Variants in TET3 observed in about 807,000 individuals in gnomAD.
TET3 encodes methylcytosine dioxygenase TET3.
In TET3, 19 loss-of-function variants were observed where a neutral mutation model predicts 141.4. The ratio of observed to expected loss-of-function variants is 0.13; its 90% CI spans 0.09 to 0.20. The LOEUF (loss-of-function observed/expected upper bound fraction) is 0.20, where lower values mean the gene tolerates loss of function less well. Ranked by LOEUF, TET3 falls within the 10% of genes least tolerant of loss-of-function variation. The pLI is 1.00. For synonymous variants in TET3, 1,043 were observed against 980.9 expected (o/e 1.06, Z -1.18); for missense variants, 1,874 against 2,356.9 (o/e 0.80, Z 4.24).
In TET3 at chr2:74,046,314, C is replaced by G; in HGVS notation, c.397C>G (p.Pro133Ala). ...GCTCAGCCCAGTTGATGGACCTGTT[C>G]CAGGTCAGATGGACTCAGGGCCAGT... is the stretch of plus-strand genomic sequence containing the variant. ...SELSPVDGPV[P>A]GQMDSGPVYH... Residue 133 changes from proline (P) to alanine (A), a missense_variant, in exon 4 of 12, where the codon CCA becomes GCA. Around this residue, in one of 10 missense-constraint regions of TET3, gnomAD observed 366 missense variants for 487.0 expected, o/e 0.75. Coordinates refer to ENST00000409262, the MANE Select transcript of TET3 (RefSeq NM_001287491.2). The surrounding 1 kb of genome is among the most constrained non-coding windows in gnomAD (Gnocchi z 4.3). The G allele has an allele frequency of 1.3e-6, 2 of 1,517,192 alleles. No homozygotes were observed. Among genetic ancestry groups the G allele is most frequent in the Non-Finnish European group, 1.8e-6 (2 of 1,134,316 alleles). 94.0% of individuals were successfully genotyped at this position (1,517,192 alleles called of 1,614,324 possible).
the TET3 span, among the ~76,000 whole-genome samples, chr2:74,125,929 A>G: frequency 1.3e-5 from 2 of 152,130 alleles, no homozygotes; most frequent in African/African-American, 4.8e-5. Context: ...AAAATTTAAA[A>G]TCTCAATTTT....
the TET3 span, among the ~76,000 whole-genome samples, chr2:74,125,151 T>C: frequency 6.6e-6 from 1 of 152,160 alleles, no homozygotes; most frequent in East Asian, 1.9e-4. Context: ...GGATTACAGG[T>C]GCCTGCCACC....
At chr2:74,108,616 T>A (rs1691631305), downstream of TET3, among the ~76,000 whole-genome samples, 1 of 152,240 alleles carries the variant, frequency 6.6e-6, no homozygotes, top group African/African-American at 2.4e-5. Flanking sequence ...GAGATTCTGC[T>A]GACCAGCGGC....
At position 74,099,464 on chromosome 2, in the gene TET3, G is replaced by A. The variant is rs781412481; in HGVS notation, c.3456G>A (p.Leu1152=). 6.2e-7 allele frequency: 1 copy of A among 1,613,682 alleles called. No individual in the cohort carries two copies. The highest frequency in any genetic ancestry group is 8.5e-7 in the Non-Finnish European group (1 of 1,179,826). The change falls in exon 11 of 12, where the codon CTG becomes CTA. Residue 1152 remains leucine (L), a synonymous_variant. Coordinates refer to ENST00000409262, the MANE Select transcript of TET3 (RefSeq NM_001287491.2). ...CCTTCCCCCGCGAGGTCCGACGCCT[G>A]CCCGAGCCTGCCAAGTCCTGCCGCC... ...LTAFPREVRR[L]PEPAKSCRQR...
Position 74,046,315 on chromosome 2 carries a change from C to T in TET3, c.398C>T (p.Pro133Leu). Residue 133 changes from proline to leucine, a missense_variant, in exon 4 of 12, where the codon CCA becomes CTA. Around this residue, in one of 10 missense-constraint regions of TET3, gnomAD observed 366 missense variants for 487.0 expected, o/e 0.75. Transcript: ENST00000409262. This position sits in a 1 kb window ranked among gnomAD's most constrained non-coding sequence, Gnocchi z 4.3. Reference protein sequence around the residue: ...SELSPVDGPVPGQMDSGPVYH... With the variant: ...SELSPVDGPVLGQMDSGPVYH... ...CTCAGCCCAGTTGATGGACCTGTTC[C>T]AGGTCAGATGGACTCAGGGCCAGTG... 6.6e-7 allele frequency: 1 copy of T among 1,517,204 alleles called. No homozygotes were observed. Among genetic ancestry groups the T allele is most frequent in the East Asian group, 2.3e-5 (1 of 44,056 alleles). 94.0% of individuals were successfully genotyped at this position (1,517,204 alleles called of 1,614,324 possible). A position where few individuals can be genotyped will look rare whatever the true frequency, so the allele number is the denominator to read the frequency against.
At chr2:74,115,095 T>C in the TET3 span, among the ~76,000 whole-genome samples, 1 of 151,782 alleles carries the variant, frequency 6.6e-6, no homozygotes, top group Non-Finnish European at 1.5e-5. Context: ...AAAGCAAAAA[T>C]AAGCAACTGA....
chr2:74,088,483 A>G (rs1010653661), intron 7 of TET3, among the ~76,000 whole-genome samples: 25 of 152,014 alleles, frequency 1.6e-4, no homozygotes, highest in Non-Finnish European at 7.4e-5. Flanking sequence ...TCTACTAAAA[A>G]TAAAAAAATT....
chr2:74,076,567 C>T (rs1250805990), intron 5 of TET3, among the ~76,000 whole-genome samples: 1 of 147,644 alleles, frequency 6.8e-6, no homozygotes, highest in Non-Finnish European at 1.5e-5. Flanking sequence ...CTCAAAAATA[C>T]ACACGAAACC....
intron 3 of TET3, among the ~76,000 whole-genome samples, chr2:74,015,608 G>T (rs1422254454): frequency 6.6e-6 from 1 of 152,040 alleles, no homozygotes; most frequent in African/African-American, 2.4e-5. Context: ...TTTTATGGCT[G>T]TATTATAATT....
rs985104899 is a variant in TET3, at chr2:74,089,918, C to T, written c.2910C>T (p.Gly970=). 3.1e-6 allele frequency: 5 copies of T among 1,614,070 alleles called. No homozygotes were observed. Among genetic ancestry groups the T allele is most frequent in the Middle Eastern group, 3.3e-4 (2 of 6,062 alleles). The change falls in exon 8 of 12, where the codon GGC becomes GGT. Residue 970 remains glycine (G), a synonymous_variant. Coordinates refer to ENST00000409262, the MANE Select transcript of TET3 (RefSeq NM_001287491.2). The part of the protein sequence containing the change: ...LNDDRTCACQ[G]KDPNTCGASF... The stretch of plus-strand genomic sequence containing the variant: ...GCAGCCGGACCTGCGCTTGCCAAGG[C>T]AAAGACCCCAACACCTGTGGTGCCT...
the TET3 span, among the ~76,000 whole-genome samples, chr2:74,118,267 G>C: frequency 6.6e-6 from 1 of 152,164 alleles, no homozygotes; most frequent in African/African-American, 2.4e-5. Context: ...TCTAGTAATG[G>C]TGGAAGTGCT....
At chr2:74,027,981 G>A (rs1351016238) in intron 3 of TET3, among the ~76,000 whole-genome samples, 2 of 151,624 alleles carry the variant, frequency 1.3e-5, no homozygotes, top group Non-Finnish European at 2.9e-5. Context: ...CATTGTGTGG[G>A]TTTTTTTCAC....
the TET3 span, among the ~76,000 whole-genome samples, chr2:74,116,422 C>A: frequency 1.3e-5 from 2 of 152,284 alleles, no homozygotes; most frequent in South Asian, 2.1e-4. Context: ...GTGGCTCATG[C>A]CTGTAATCCC....
rs1690233937 is a variant in TET3, at chr2:74,087,636, TCCTAATAATGTTCCCTATTTGTTC to T, written c.2680-183_2680-160del. ...TTTTGTTCCCTAACAAAACATTTGT[TCCTAATAATGTTCCCTATTTGTTC>T]CCTAATAATGGTCTCTTAGCTTGTA... On this transcript the variant is annotated intron_variant, in intron 6 of 11. Coordinates refer to ENST00000409262, the MANE Select transcript of TET3 (RefSeq NM_001287491.2). The surrounding 1 kb of genome is among the most constrained non-coding windows in gnomAD (Gnocchi z 4.3). Among the ~76,000 whole-genome samples the T allele has an allele frequency of 6.6e-6, 1 of 152,208 alleles. No individual in the cohort carries two copies. Among genetic ancestry groups the T allele is most frequent in the Non-Finnish European group, 1.5e-5 (1 of 68,034 alleles).
In TET3 at chr2:74,087,296, G is replaced by C. The variant is rs1164425910; in HGVS notation, c.2680-534G>C. Reference sequence around the variant, plus strand: ...AGTGAACGTGGGTATTCAGGGATCTGCCTGAGTCCTGCTCTCAGTCCCTCG... The same window carrying C: ...AGTGAACGTGGGTATTCAGGGATCTCCCTGAGTCCTGCTCTCAGTCCCTCG... On this transcript the variant is annotated intron_variant, in intron 6 of 11. Transcript: ENST00000409262. This position sits in a 1 kb window ranked among gnomAD's most constrained non-coding sequence, Gnocchi z 4.3. Among the ~76,000 whole-genome samples, 5 of 152,168 alleles carry C rather than the reference G, an allele frequency of 3.3e-5. No individual in the cohort carries two copies. Among genetic ancestry groups the C allele is most frequent in the Non-Finnish European group, 5.9e-5 (4 of 68,040 alleles).
intron 8 of TET3, among the ~76,000 whole-genome samples, chr2:74,091,002 C>T (rs2104102142): frequency 6.6e-6 from 1 of 152,236 alleles, no homozygotes; most frequent in East Asian, 1.9e-4. Flanking sequence ...CAGGGACACC[C>T]TCTCTACACC....
At chr2:74,066,549 A>G (rs1558763790) in intron 4 of TET3, among the ~76,000 whole-genome samples, 1 of 152,110 alleles carries the variant, frequency 6.6e-6, no homozygotes, top group Non-Finnish European at 1.5e-5. Flanking sequence ...TTTCTTCTCT[A>G]GAATATCTTT....
chr2:74,014,147 A>G (rs897023603), intron 3 of TET3, among the ~76,000 whole-genome samples: 1 of 152,138 alleles, frequency 6.6e-6, no homozygotes, highest in African/African-American at 2.4e-5. Flanking sequence ...CTGTAGTCTT[A>G]TATAAATTGT....
intron 4 of TET3, among the ~76,000 whole-genome samples, chr2:74,067,250 T>A (rs986188814): frequency 1.3e-5 from 2 of 152,256 alleles, no homozygotes; most frequent in African/African-American, 4.8e-5. Flanking sequence ...TCATGAAATG[T>A]TTAAGCACTG....
Sources: gnomAD v4.1 joint callset for allele counts (sites outside exome capture counted in the v4.1 genomes callset) on GRCh38, gnomAD v4.1.1 for gene constraint, gnomAD v4.1.1 regional missense constraint, Gnocchi (gnomAD v3.1) non-coding constraint, MANE v1.5 for transcripts, NCBI Gene and HGNC (gene_info 2026-07-23, HGNC 2026-07-21) for gene names.